The following NT5C3B variants were observed in gnomAD, a reference collection of about 807,000 sequenced individuals.
NT5C3B encodes 5'-nucleotidase, cytosolic IIIB.
In NT5C3B, 28 loss-of-function variants were observed where a neutral mutation model predicts 32.5. That is an observed-to-expected ratio of 0.86 (90% CI 0.64 to 1.18). The LOEUF (loss-of-function observed/expected upper bound fraction) is 1.18. NT5C3B is among the 50% of genes most tolerant of loss of function. The pLI is 0.00. For synonymous variants in NT5C3B, 138 were observed against 118.0 expected, an observed-to-expected ratio of 1.17 and a Z score of -1.10; for missense variants, 317 against 322.0, an observed-to-expected ratio of 0.98 and a Z score of 0.12.
chr17:41,825,514 C>A lies in NT5C3B; in HGVS notation c.*9G>T, dbSNP rs2047945578. 1.1e-6 allele frequency: 1 copy of A among 871,174 alleles called. No homozygotes were observed. The highest frequency in any genetic ancestry group is 2.0e-6 in the Non-Finnish European group (1 of 501,314). The allele number at this position is 871,174 out of a possible 1,614,324, so 54.0% of individuals were successfully genotyped here. ...CCACGGCCTGCAGGCCGGGCTGGAG[C>A]CTGCGCCTTCAGGGGCCTTGCATCT... On this transcript the variant is annotated 3_prime_UTR_variant, in exon 9 of 9. Coordinates refer to ENST00000435506, the MANE Select transcript of NT5C3B (RefSeq NM_052935.5).
intron 4 of NT5C3B, among the ~76,000 whole-genome samples, chr17:41,834,441 G>A (rs1408140268): frequency 7.1e-6 from 1 of 140,698 alleles, no homozygotes; most frequent in African/African-American, 2.7e-5. Context: ...CCCAACAGAA[G>A]AATATAAATT....
At chr17:41,830,984 A>G (rs2048042059) in intron 5 of NT5C3B, 94 bp from the exon 6 acceptor site, 3 of 826,906 alleles carry the variant, frequency 3.6e-6, no homozygotes, top group Non-Finnish European at 6.2e-6. Context: ...CTCTGACAGC[A>G]TTGCCGACAG....
intron 1 of NT5C3B, 44 bp downstream of exon 1, chr17:41,836,138 G>C: frequency 7.6e-7 from 1 of 1,320,656 alleles, no homozygotes; most frequent in Non-Finnish European, 9.6e-7. Flanking sequence ...CCCGGGGGTC[G>C]GAGTCCGGGC....
intron 5 of NT5C3B, 76 bp downstream of exon 5, chr17:41,832,316 G>T: frequency 2.5e-6 from 3 of 1,224,300 alleles, no homozygotes; most frequent in Non-Finnish European, 3.6e-6. Context: ...TCTCATCAAG[G>T]GTCTGGAAAA....
At position 41,827,641 on chromosome 17, in the gene NT5C3B, C is replaced by T. The variant is rs1555618426; in HGVS notation, c.568-15G>A. On this transcript the variant is annotated splice_polypyrimidine_tract_variant and intron_variant, in intron 7 of 8. Transcript: ENST00000435506. ...TGGAGAAAACCCTAAATAATGAAGACAAGAGACAGATGGAAGGGCTGCAGG... is the reference window on the plus strand; with the variant it reads ...TGGAGAAAACCCTAAATAATGAAGATAAGAGACAGATGGAAGGGCTGCAGG... 1.5e-5 allele frequency: 13 copies of T among 846,962 alleles called. No individual in the cohort carries two copies. In the South Asian group the frequency reaches 1.6e-4, roughly 10 times the overall value. The allele number at this position is 846,962 out of a possible 1,614,324, so 52.5% of individuals were successfully genotyped here. A position where few individuals can be genotyped will look rare whatever the true frequency, so the allele number is the denominator to read the frequency against.
At chr17:41,833,321 A>AT (rs11309553) in intron 4 of NT5C3B, among the ~76,000 whole-genome samples, 109 of 147,510 alleles carry the variant, frequency 7.4e-4, no homozygotes, top group Non-Finnish European at 1.0e-3. Context: ...TTCATGTACA[A>AT]TTTTTTTTTT....
Position 41,828,902 on chromosome 17 carries a change from A to G in NT5C3B, c.455T>C (p.Leu152Pro). Reference protein sequence around the residue: ...FNTLYHNNIPLFIFSAGIGDI... With the variant: ...FNTLYHNNIPPFIFSAGIGDI... ...ACCAATGCCCGCAGAAAAGATGAAAAGGGGAATGTTGTTATGGTAGAGTGT... is the reference window on the plus strand; with the variant it reads ...ACCAATGCCCGCAGAAAAGATGAAAGGGGGAATGTTGTTATGGTAGAGTGT... The change falls in exon 7 of 9, where the codon CTT becomes CCT. Residue 152 changes from leucine (L) to proline (P), a missense_variant. Coordinates refer to ENST00000435506, the MANE Select transcript of NT5C3B (RefSeq NM_052935.5). 6.2e-7 allele frequency: 1 copy of G among 1,613,984 alleles called. No individual in the cohort carries two copies. The highest frequency in any genetic ancestry group is 8.5e-7 in the Non-Finnish European group (1 of 1,179,836).
Position 41,828,679 on chromosome 17 carries a change from G to C in NT5C3B, c.567+111C>G, listed in dbSNP as rs782783226. ...CAACTGCCTGAGGGTGAAGAAGCTA[G>C]AGTGGCTTCCCTCCCCTTCTTCCCC... On this transcript the variant is annotated intron_variant, in intron 7 of 8. Transcript: ENST00000435506. 6.0e-6 allele frequency: 6 copies of C among 1,006,298 alleles called. No individual in the cohort carries two copies. In the East Asian group the frequency reaches 7.2e-5, roughly 12 times the overall value. 62.3% of individuals were successfully genotyped at this position (1,006,298 alleles called of 1,614,324 possible).
chr17:41,830,961 A>G, intron 5 of NT5C3B, 71 bp from the exon 6 acceptor site: 1 of 964,902 alleles, frequency 1.0e-6, no homozygotes, highest in Non-Finnish European at 1.7e-6. Context: ...TTCCCTTTAC[A>G]GAGCCAAGTA....
In NT5C3B at chr17:41,832,422, A is replaced by G; in HGVS notation, c.284T>C (p.Val95Ala). The G allele has an allele frequency of 1.2e-6, 2 of 1,613,688 alleles. No individual in the cohort carries two copies. The highest frequency in any genetic ancestry group is 1.7e-6 in the Non-Finnish European group (2 of 1,179,780). The change falls in exon 5 of 9, where the codon GTC becomes GCC. Residue 95 changes from valine (V) to alanine (A), a missense_variant. Val to Ala is a moderately conservative substitution (Grantham distance 64). Transcript: ENST00000435506. ...CACCATATGAGGTAGCTTCTCCTTG[A>G]CGGTCCGGTGTGGGTCGATCTCAAT... ...YPIEIDPHRT[V>A]KEKLPHMVEW...
In NT5C3B at chr17:41,835,102, T is replaced by C; in HGVS notation, c.196A>G (p.Ser66Gly). 6.2e-7 allele frequency: 1 copy of C among 1,614,224 alleles called. No individual in the cohort carries two copies. The highest frequency in any genetic ancestry group is 8.5e-7 in the Non-Finnish European group (1 of 1,180,024). The change falls in exon 4 of 9, where the codon AGC becomes GGC. Residue 66 changes from serine (S) to glycine (G), a missense_variant. By Grantham distance (56) the Ser-to-Gly change is moderately conservative (BLOSUM62 0). Transcript: ENST00000435506. ...CGACACTCCTCACTGATGATCTTGCTATTATCCAGAATATCTGGAAAAAGA... is the reference window on the plus strand; with the variant it reads ...CGACACTCCTCACTGATGATCTTGCCATTATCCAGAATATCTGGAAAAAGA... ...CPSSYNILDN[S>G]KIISEECRKE...
In NT5C3B at chr17:41,825,622, A is replaced by G. The variant is rs368535308; in HGVS notation, c.804T>C (p.Tyr268=). Residue 268 remains tyrosine (Y), a synonymous_variant, in exon 9 of 9, where the codon TAT becomes TAC. Coordinates refer to ENST00000435506, the MANE Select transcript of NT5C3B (RefSeq NM_052935.5). ...EERRERYMDS[Y]DIVLEKDETL... is the part of the protein sequence containing the mutation. ...TCTCGTCCTTCTCCAGCACGATGTC[A>G]TAGGAGTCCATGTAGCGCTCCCGCC... 5.7e-6 allele frequency: 5 copies of G among 872,760 alleles called. No homozygotes were observed. The highest frequency in any genetic ancestry group is 8.0e-6 in the Non-Finnish European group (4 of 501,654). The allele number at this position is 872,760 out of a possible 1,614,324, so 54.1% of individuals were successfully genotyped here.
chr17:41,832,304 C>A, intron 5 of NT5C3B, 88 bp downstream of exon 5: 1 of 1,075,340 alleles, frequency 9.3e-7, no homozygotes. Context: ...GGGAGCCTGT[C>A]ATCTCATCAA....
At chr17:41,829,840 G>A (rs1258164999) in intron 6 of NT5C3B, among the ~76,000 whole-genome samples, 1 of 152,082 alleles carries the variant, frequency 6.6e-6, no homozygotes, top group Non-Finnish European at 1.5e-5. Flanking sequence ...TACATACCTG[G>A]GAGAGATGCT....
chr17:41,829,669 AT>A (rs2048021315), intron 6 of NT5C3B, among the ~76,000 whole-genome samples: 1 of 152,208 alleles, frequency 6.6e-6, no homozygotes. Context: ...TGTCACTGCA[AT>A]GCAGCATTAT....
In NT5C3B at chr17:41,828,835, G is replaced by A. The variant is rs868983865; in HGVS notation, c.522C>T (p.His174=). Residue 174 remains histidine, a synonymous_variant, in exon 7 of 9, where the codon CAC becomes CAT. Transcript: ENST00000435506. ...AGTTAGACACGATGTGGATGTTGGG[G>A]TGGAACACTTTCATCTGTCGGATAA... ...EEIIRQMKVF[H]PNIHIVSNYM... is the part of the protein sequence containing the mutation. The A allele has an allele frequency of 6.2e-7, 1 of 1,614,044 alleles. No homozygotes were observed. Among genetic ancestry groups the A allele is most frequent in the Non-Finnish European group, 8.5e-7 (1 of 1,179,946 alleles).
rs2047989234 is a variant in NT5C3B, at chr17:41,827,603, G to A, written c.591C>T (p.Gly197=). The A allele has an allele frequency of 1.2e-6, 1 of 862,646 alleles. No homozygotes were observed. Among genetic ancestry groups the A allele is most frequent in the East Asian group, 2.4e-5 (1 of 41,652 alleles). 53.4% of individuals were successfully genotyped at this position (862,646 alleles called of 1,614,324 possible). A position where few individuals can be genotyped will look rare whatever the true frequency, so the allele number is the denominator to read the frequency against. Residue 197 remains glycine, a synonymous_variant, in exon 8 of 9, where the codon GGC becomes GGT. Transcript: ENST00000435506. ...TCTTGTTGTATGTGTGTATGAGCTGGCCCTTAAATCCCTGGAGAAAACCCT... is the reference window on the plus strand; with the variant it reads ...TCTTGTTGTATGTGTGTATGAGCTGACCCTTAAATCCCTGGAGAAAACCCT... The part of the protein sequence containing the change: ...NEDGFLQGFK[G]QLIHTYNKNS...
chr17:41,825,181 T>G lies in NT5C3B; in HGVS notation c.*342A>C, dbSNP rs1175734591. 1 of 185,276 alleles carries G rather than the reference T, an allele frequency of 5.4e-6. No individual in the cohort carries two copies. Among genetic ancestry groups the G allele is most frequent in the Non-Finnish European group, 1.1e-5 (1 of 89,622 alleles). The allele number at this position is 185,276 out of a possible 1,614,324, so 11.5% of individuals were successfully genotyped here. A position where few individuals can be genotyped will look rare whatever the true frequency, so the allele number is the denominator to read the frequency against. Reference sequence around the variant, plus strand: ...CCCACATCCCCTGAATCAGAGCAGCTTTTTTTTCATTTTAAAAATTTTGAT... The same window carrying G: ...CCCACATCCCCTGAATCAGAGCAGCGTTTTTTTCATTTTAAAAATTTTGAT... On this transcript the variant is annotated 3_prime_UTR_variant, in exon 9 of 9. Coordinates refer to ENST00000435506, the MANE Select transcript of NT5C3B (RefSeq NM_052935.5).
intron 2 of NT5C3B, 178 bp from the exon 3 acceptor site, chr17:41,835,450 C>G: frequency 1.5e-6 from 1 of 649,168 alleles, no homozygotes; most frequent in Non-Finnish European, 2.7e-6. Context: ...CTAATTAGTA[C>G]CCGTTAACCC....
Sources: gnomAD v4.1 joint callset for allele counts (sites outside exome capture counted in the v4.1 genomes callset) on GRCh38, gnomAD v4.1.1 for gene constraint, MANE v1.5 for transcripts, NCBI Gene and HGNC (gene_info 2026-07-23, HGNC 2026-07-21) for gene names.